Variants in PTPRD observed in about 807,000 individuals in gnomAD.
PTPRD encodes the protein receptor-type tyrosine-protein phosphatase delta.
A neutral mutation model predicts 214.5 loss-of-function variants in PTPRD; 34 were observed. The ratio of observed to expected loss-of-function variants is 0.16; its 90% CI spans 0.12 to 0.21. The LOEUF (loss-of-function observed/expected upper bound fraction) is 0.21, where lower values mean the gene tolerates loss of function less well. Among genes scored for constraint, PTPRD ranks in the 10% least tolerant of loss-of-function variants. PTPRD has a pLI of 1.00. For missense variants in PTPRD, 2,545 were observed against 2,398.7 expected, an observed-to-expected ratio of 1.06 and a Z score of -1.27; for synonymous variants, 1,128 against 845.7, an observed-to-expected ratio of 1.33 and a Z score of -5.79.
intron 5 of PTPRD, among the ~76,000 whole-genome samples, chr9:9,893,722 A>G (rs906176515): frequency 7.2e-5 from 11 of 152,270 alleles, no homozygotes; most frequent in South Asian, 2.1e-4. Context: ...ACTTTTAAAC[A>G]TAATCACTTA....
intron 3 of PTPRD, among the ~76,000 whole-genome samples, chr9:10,070,395 G>C (rs529007555): frequency 2.0e-5 from 3 of 151,946 alleles, no homozygotes; most frequent in Non-Finnish European, 4.4e-5. Context: ...ATTAATTACA[G>C]ATTGTAATTT....
chr9:10,124,284 T>A (rs1194280511), intron 3 of PTPRD, among the ~76,000 whole-genome samples: 1 of 152,218 alleles, frequency 6.6e-6, no homozygotes, highest in African/African-American at 2.4e-5. Flanking sequence ...TCATATACAT[T>A]TAGTGAATAA....
intron 3 of PTPRD, among the ~76,000 whole-genome samples, chr9:10,141,579 C>G (rs1402852210): frequency 6.6e-6 from 1 of 151,992 alleles, no homozygotes; most frequent in African/African-American, 2.4e-5. Context: ...GAACTACAAA[C>G]CACTGCTCAA....
At chr9:9,850,324 A>G (rs1026723394) in intron 5 of PTPRD, among the ~76,000 whole-genome samples, 2 of 152,128 alleles carry the variant, frequency 1.3e-5, no homozygotes, top group Non-Finnish European at 2.9e-5. Flanking sequence ...CTCATCATAT[A>G]GTAAAGAAGT....
intron 30 of PTPRD, among the ~76,000 whole-genome samples, chr9:8,473,151 T>C (rs1366266234): frequency 6.6e-5 from 10 of 152,148 alleles, no homozygotes; most frequent in Non-Finnish European, 1.5e-4. Flanking sequence ...AATGGAGAAT[T>C]CAACTCAAAC....
intron 3 of PTPRD, among the ~76,000 whole-genome samples, chr9:10,133,599 C>T (rs1016886131): frequency 3.9e-5 from 6 of 151,968 alleles, no homozygotes; most frequent in African/African-American, 1.5e-4. Flanking sequence ...TATGAAATAA[C>T]TAATGACTAT....
chr9:10,171,324 G>C (rs999694054), intron 3 of PTPRD, among the ~76,000 whole-genome samples: 2 of 151,772 alleles, frequency 1.3e-5, no homozygotes, highest in African/African-American at 2.4e-5. Flanking sequence ...TCCTCCATAC[G>C]GTTCTTGATA....
chr9:8,584,186 A>C (rs1222582209), intron 14 of PTPRD, among the ~76,000 whole-genome samples: 1 of 152,208 alleles, frequency 6.6e-6, no homozygotes, highest in African/African-American at 2.4e-5. Flanking sequence ...AAGTAAAATA[A>C]AAATAAATAA....
chr9:9,525,995 C>A (rs2074041776), intron 8 of PTPRD, among the ~76,000 whole-genome samples: 2 of 152,034 alleles, frequency 1.3e-5, no homozygotes, highest in South Asian at 4.1e-4. Context: ...AGAATAGCAT[C>A]TTAAGTAGTA....
At chr9:10,542,824 T>G (rs529981408) in intron 2 of PTPRD, among the ~76,000 whole-genome samples, 13 of 152,296 alleles carry the variant, frequency 8.5e-5, no homozygotes, top group African/African-American at 3.1e-4. Flanking sequence ...GTTCAAGCAA[T>G]TCTCCTGCCT....
intron 12 of PTPRD, among the ~76,000 whole-genome samples, chr9:8,683,361 T>A (rs2097591111): frequency 6.6e-6 from 1 of 150,842 alleles, no homozygotes; most frequent in Admixed American, 6.6e-5. Context: ...TAAGCCTCTC[T>A]CTTTCATGGA....
chr9:9,217,336 T>C (rs1482959204), intron 9 of PTPRD, among the ~76,000 whole-genome samples: 1 of 152,174 alleles, frequency 6.6e-6, no homozygotes, highest in South Asian at 2.1e-4. Flanking sequence ...TCATAAGTGT[T>C]TTATATGGGC....
At chr9:9,709,547 A>G (rs1167564391) in intron 7 of PTPRD, among the ~76,000 whole-genome samples, 3 of 152,076 alleles carry the variant, frequency 2.0e-5, no homozygotes, top group Admixed American at 2.0e-4. Context: ...TATGGTATTC[A>G]TTTCCATTTC....
At chr9:10,364,948 G>A (rs1044488008) in intron 2 of PTPRD, among the ~76,000 whole-genome samples, 1 of 152,148 alleles carries the variant, frequency 6.6e-6, no homozygotes, top group Non-Finnish European at 1.5e-5. Flanking sequence ...GATGTTCTTT[G>A]TCGAAATAAG....
intron 9 of PTPRD, among the ~76,000 whole-genome samples, chr9:9,397,150 A>G (rs1250135250): frequency 6.6e-6 from 1 of 152,024 alleles, no homozygotes; most frequent in African/African-American, 2.4e-5. Context: ...TCTTGTAACT[A>G]CTAAAAGAGT....
At chr9:8,551,993 G>T (rs931193735) in intron 14 of PTPRD, among the ~76,000 whole-genome samples, 2 of 152,146 alleles carry the variant, frequency 1.3e-5, no homozygotes, top group African/African-American at 4.8e-5. Context: ...TACTTCAATT[G>T]TAGCTAAGAT....
chr9:10,605,935 A>G (rs997555237), intron 2 of PTPRD, among the ~76,000 whole-genome samples: 1 of 151,836 alleles, frequency 6.6e-6, no homozygotes, highest in African/African-American at 2.4e-5. Flanking sequence ...TGACTTGACA[A>G]CATTTACAAG....
intron 9 of PTPRD, among the ~76,000 whole-genome samples, chr9:9,389,071 C>G (rs1213910273): frequency 6.6e-6 from 1 of 152,090 alleles, no homozygotes; most frequent in East Asian, 1.9e-4. Flanking sequence ...TCATTTTTCT[C>G]ATTTATGAAA....
chr9:8,503,749 A>G (rs1390945756), intron 23 of PTPRD, among the ~76,000 whole-genome samples: 1 of 152,208 alleles, frequency 6.6e-6, no homozygotes. Flanking sequence ...CACAGGTACT[A>G]CACACAGAGT....
Sources: gnomAD v4.1 joint callset for allele counts (sites outside exome capture counted in the v4.1 genomes callset) on GRCh38, gnomAD v4.1.1 for gene constraint, MANE v1.5 for transcripts, NCBI Gene and HGNC (gene_info 2026-07-23, HGNC 2026-07-21) for gene names.